The following SPATA7 variants were observed in gnomAD, a reference collection of about 807,000 sequenced individuals.
SPATA7 encodes the protein spermatogenesis associated 7.
A neutral mutation model predicts 51.8 loss-of-function variants in SPATA7; 43 were observed. The ratio of observed to expected loss-of-function variants is 0.83; its 90% CI spans 0.65 to 1.07. The LOEUF (loss-of-function observed/expected upper bound fraction) is 1.07, where lower values mean the gene tolerates loss of function less well. SPATA7 is among the 50% of genes least tolerant of loss of function. The pLI is 0.00. For missense variants in SPATA7, 683 were observed against 701.3 expected, an observed-to-expected ratio of 0.97 and a Z score of 0.30; for synonymous variants, 230 against 252.8, an observed-to-expected ratio of 0.91 and a Z score of 0.86.
chr14:88,413,977 G>T (rs929546669), intron 4 of SPATA7, among the ~76,000 whole-genome samples: 3 of 151,940 alleles, frequency 2.0e-5, no homozygotes, highest in African/African-American at 7.2e-5. Flanking sequence ...GCATTTTTGT[G>T]TCTATGTTAA....
chr14:88,410,950 C>T (rs150268249), intron 4 of SPATA7, among the ~76,000 whole-genome samples: 5,370 of 152,286 alleles, frequency 0.035, 311 homozygotes, highest in African/African-American at 0.12. Flanking sequence ...CAGGCAGGAA[C>T]ATTTAAGTCT....
Position 88,427,655 on chromosome 14 carries a change from G to A in SPATA7, c.871G>A (p.Glu291Lys). Residue 291 changes from glutamate to lysine, a missense_variant, in exon 7 of 12, where the codon GAG becomes AAG. Transcript: ENST00000393545. Reference protein sequence around the residue: ...LSFKSELGTAETKNMTDSEMN... With the variant: ...LSFKSELGTAKTKNMTDSEMN... Reference sequence around the variant, plus strand: ...CTTTAAATCTGAGTTGGGGACAGCTGAGACTAAAAACATGACAGATTCAGA... The same window carrying A: ...CTTTAAATCTGAGTTGGGGACAGCTAAGACTAAAAACATGACAGATTCAGA... The A allele has an allele frequency of 1.9e-6, 3 of 1,609,964 alleles. No homozygotes were observed. Among genetic ancestry groups the A allele is most frequent in the Non-Finnish European group, 2.5e-6 (3 of 1,176,808 alleles).
At chr14:88,429,302 A>G (rs909818974) in intron 7 of SPATA7, 46 bp from the exon 8 acceptor site, 3 of 1,104,182 alleles carry the variant, frequency 2.7e-6, no homozygotes, top group Non-Finnish European at 4.2e-6. Context: ...TGCTTTCGTA[A>G]TGTATTTTTA....
intron 3 of SPATA7, chr14:88,455,013 A>T: frequency 2.2e-6 from 1 of 453,094 alleles, no homozygotes; most frequent in Non-Finnish European, 4.4e-6. Flanking sequence ...TTCTGACTCA[A>T]AATATTTAGA....
chr14:88,445,533 G>A (rs1186493330), intron 3 of SPATA7, among the ~76,000 whole-genome samples: 1 of 152,000 alleles, frequency 6.6e-6, no homozygotes, highest in African/African-American at 2.4e-5. Flanking sequence ...TTGAATAGGA[G>A]TGGTGAGAGA....
chr14:88,424,240 C>A (rs73327418), intron 5 of SPATA7, among the ~76,000 whole-genome samples: 1 of 152,100 alleles, frequency 6.6e-6, no homozygotes, highest in South Asian at 2.1e-4. Context: ...ATCCAAGTTT[C>A]ATGATATTCA....
downstream of SPATA7, among the ~76,000 whole-genome samples, chr14:88,438,932 G>C (rs781524709): frequency 3.9e-5 from 6 of 152,138 alleles, no homozygotes; most frequent in Non-Finnish European, 1.5e-5. Context: ...CCTTTACCGT[G>C]TTCTTTTGGG....
intron 3 of SPATA7, among the ~76,000 whole-genome samples, chr14:88,451,631 A>G (rs553396266): frequency 3.3e-5 from 5 of 151,544 alleles, no homozygotes; most frequent in African/African-American, 1.2e-4. Context: ...AGGTTCAAGC[A>G]ATTCTGCTTC....
chr14:88,448,126 C>G (rs926730849), intron 3 of SPATA7, among the ~76,000 whole-genome samples: 3 of 152,184 alleles, frequency 2.0e-5, no homozygotes, highest in African/African-American at 4.8e-5. Flanking sequence ...GTACACCAAT[C>G]AGACGTAGAT....
intron 4 of SPATA7, chr14:88,416,248 A>G (rs567582784): frequency 2.5e-5 from 4 of 158,434 alleles, no homozygotes; most frequent in African/African-American, 7.2e-5. Context: ...GTCAGGAAAG[A>G]CTTTATTTCT....
chr14:88,426,564 C>G lies in SPATA7; in HGVS notation c.705C>G (p.Asn235Lys). The change falls in exon 6 of 12, where the codon AAC becomes AAG. Residue 235 changes from asparagine to lysine, a missense_variant. Physicochemically the swap from Asn to Lys is moderately conservative, Grantham distance 94. Transcript: ENST00000393545. ...LLDKHSELFS[N>K]KQLPFTPRTL... ...ATAAACATTCTGAACTCTTTTCTAA[C>G]AAACAATTGCCATTCACTCCTCGCA... The G allele has an allele frequency of 6.2e-7, 1 of 1,614,138 alleles. No individual in the cohort carries two copies.
intron 3 of SPATA7, 47 bp downstream of exon 3, chr14:88,393,535 A>C: frequency 7.7e-7 from 1 of 1,306,678 alleles, no homozygotes; most frequent in Non-Finnish European, 1.1e-6. Flanking sequence ...TTAAACCTCC[A>C]GCTTCACTTC....
chr14:88,452,724 G>A (rs1488313144), intron 3 of SPATA7, among the ~76,000 whole-genome samples: 1 of 152,134 alleles, frequency 6.6e-6, no homozygotes, highest in African/African-American at 2.4e-5. Context: ...ACCCCCTGCT[G>A]CTAGTATTTT....
chr14:88,396,529 G>GA (rs2075884547), intron 4 of SPATA7, among the ~76,000 whole-genome samples: 1 of 152,146 alleles, frequency 6.6e-6, no homozygotes, highest in Non-Finnish European at 1.5e-5. Flanking sequence ...ATCATATCGT[G>GA]TTTGTTCTGT....
At chr14:88,457,338 T>C (rs2077290623), downstream of SPATA7, among the ~76,000 whole-genome samples, 1 of 152,212 alleles carries the variant, frequency 6.6e-6, no homozygotes, top group Non-Finnish European at 1.5e-5. Context: ...TTCATGATAT[T>C]GATTCTTCCT....
chr14:88,424,142 T>C (rs1295331000), intron 5 of SPATA7, among the ~76,000 whole-genome samples: 1 of 152,200 alleles, frequency 6.6e-6, no homozygotes, highest in Non-Finnish European at 1.5e-5. Context: ...TGATGAACCC[T>C]TTTCTGATTT....
At chr14:88,452,473 G>A (rs576551463) in intron 3 of SPATA7, among the ~76,000 whole-genome samples, 9 of 152,150 alleles carry the variant, frequency 5.9e-5, no homozygotes, top group Admixed American at 2.0e-4. Flanking sequence ...CACTGTGGGC[G>A]GGGCCATAGA....
At chr14:88,454,495 C>T (rs1374521217) in intron 3 of SPATA7, among the ~76,000 whole-genome samples, 1 of 152,104 alleles carries the variant, frequency 6.6e-6, no homozygotes, top group Non-Finnish European at 1.5e-5. Context: ...CTATAAATAT[C>T]ATTAACCTAA....
intron 3 of SPATA7, among the ~76,000 whole-genome samples, chr14:88,394,497 G>A (rs534458772): frequency 1.6e-4 from 25 of 152,102 alleles, no homozygotes; most frequent in Non-Finnish European, 2.8e-4. Context: ...TTATTCTTTT[G>A]TATTGTTAAG....
Sources: gnomAD v4.1 joint callset for allele counts (sites outside exome capture counted in the v4.1 genomes callset) on GRCh38, gnomAD v4.1.1 for gene constraint, MANE v1.5 for transcripts, NCBI Gene and HGNC (gene_info 2026-07-23, HGNC 2026-07-21) for gene names.